Variants in CR1 observed in about 807,000 individuals in gnomAD.
The protein encoded by CR1 is complement receptor type 1.
In CR1, 116 loss-of-function variants were observed where a neutral mutation model predicts 187.3. The observed-to-expected ratio is 0.62, with a 90% confidence interval of 0.53 to 0.72. CR1 has a LOEUF of 0.72. CR1 is among the 30% of genes least tolerant of loss of function. The pLI, the probability that CR1 is intolerant of heterozygous loss-of-function variation, is 0.00. For synonymous variants in CR1, 576 were observed against 747.1 expected (o/e 0.77, Z 3.73); for missense variants, 1,731 against 2,110.7 (o/e 0.82, Z 3.52).
intron 35 of CR1, among the ~76,000 whole-genome samples, chr1:207,596,529 A>G (rs953001800): frequency 6.6e-5 from 10 of 151,930 alleles, no homozygotes; most frequent in Admixed American, 5.2e-4. Context: ...CAGGAGAATC[A>G]CTTGAACCCG....
Position 207,632,720 on chromosome 1 carries a change from C to T in CR1, c.7457+2099C>T, listed in dbSNP as rs183130341. Among the ~76,000 whole-genome samples, 334 of 146,658 alleles carry T rather than the reference C, an allele frequency of 2.3e-3. 12 individuals carry two copies. In the East Asian group the frequency reaches 0.064, roughly 28 times the overall value. ...GGCTGAGGCAGGAGAATGGCGTGAG[C>T]CCGGGAGGCGGAGCTTGCAGTGAGC... On this transcript the variant is annotated intron_variant, in intron 46 of 46. Transcript: ENST00000367049.
chr1:207,633,780 A>C (rs1662723776), intron 46 of CR1, among the ~76,000 whole-genome samples: 1 of 152,208 alleles, frequency 6.6e-6, no homozygotes, highest in South Asian at 2.1e-4. Flanking sequence ...GAGATCACCA[A>C]ACAGGCTTTG....
At chr1:207,575,716 T>C (rs1390992795) in intron 28 of CR1, 36 bp downstream of exon 28, 9 of 1,611,472 alleles carry the variant, frequency 5.6e-6, no homozygotes, top group African/African-American at 4.0e-5. Flanking sequence ...CACCCCACCA[T>C]TGAATCCTAG....
At chr1:207,498,238 G>A (rs999743026) in intron 1 of CR1, among the ~76,000 whole-genome samples, 2 of 152,230 alleles carry the variant, frequency 1.3e-5, no homozygotes, top group African/African-American at 4.8e-5. Context: ...GAAAAACCAT[G>A]ACTAAGAAGT....
intron 46 of CR1, among the ~76,000 whole-genome samples, chr1:207,639,043 C>T (rs757948121): frequency 3.2e-4 from 48 of 152,172 alleles, no homozygotes; most frequent in Non-Finnish European, 6.6e-4. Flanking sequence ...TTGGGAATGC[C>T]CCAGTTTGTT....
At chr1:207,586,474 G>A (rs1661115162) in intron 33 of CR1, among the ~76,000 whole-genome samples, 1 of 152,176 alleles carries the variant, frequency 6.6e-6, no homozygotes, top group South Asian at 2.1e-4. Flanking sequence ...TTTAGCATCA[G>A]AAGAAAAACA....
At chr1:207,599,434 AT>A (rs1257469539) in intron 35 of CR1, among the ~76,000 whole-genome samples, 1 of 152,224 alleles carries the variant, frequency 6.6e-6, no homozygotes, top group Non-Finnish European at 1.5e-5. Context: ...TCAAAAAAAA[AT>A]CTTACACTAT....
Position 207,508,068 on chromosome 1 carries a change from C to G in CR1, c.401+1255C>G, listed in dbSNP as rs149064458. Among the ~76,000 whole-genome samples the G allele has an allele frequency of 1.6e-3, 251 of 152,252 alleles. 2 individuals are homozygous for G. Among genetic ancestry groups the G allele is most frequent in the Non-Finnish European group, 2.6e-3 (176 of 68,020 alleles). On this transcript the variant is annotated intron_variant, in intron 3 of 46. Transcript: ENST00000367049. ...GAAAAGGCTACATAACATATGATTC[C>G]AACTATATGCCATTCTGGAAAAGGC...
At position 207,641,062 on chromosome 1, in the gene CR1, T is replaced by C. The variant is rs1396408336; in HGVS notation, c.*1653T>C. The C allele has an allele frequency of 2.6e-5, 4 of 152,194 alleles. No individual in the cohort carries two copies. The highest frequency in any genetic ancestry group is 7.2e-5 in the African/African-American group (3 of 41,430). The allele number at this position is 152,194 out of a possible 1,614,324, so 9.4% of individuals were successfully genotyped here. On this transcript the variant is annotated 3_prime_UTR_variant, in exon 47 of 47. Transcript: ENST00000367049. ...ACCCAACAAAAATGGGCAAAGGACA[T>C]ACAGCTAGGTCACCAAGAAAGAAGG...
Position 207,617,503 on chromosome 1 carries a change from A to ATG in CR1, c.6890-567_6890-566insGT, listed in dbSNP as rs1198212990. Among the ~76,000 whole-genome samples, 28 of 49,096 alleles carry ATG rather than the reference A, an allele frequency of 5.7e-4. 2 individuals are homozygous for ATG. Among genetic ancestry groups the ATG allele is most frequent in the East Asian group, 4.2e-3 (9 of 2,150 alleles). 32.2% of individuals were successfully genotyped at this position (49,096 alleles called of 152,430 possible). On this transcript the variant is annotated intron_variant, in intron 41 of 46. Transcript: ENST00000367049. ...TTAAAGTATATATATATATATATAT[A>ATG]TATATGTGTGTGTGTGTGTGTGTGT...
chr1:207,580,470 C>G, intron 30 of CR1, 41 bp from the exon 31 acceptor site: 1 of 1,599,588 alleles, frequency 6.3e-7, no homozygotes, highest in South Asian at 1.1e-5. Flanking sequence ...ACATGGAGGT[C>G]TTACTCCTAT....
chr1:207,593,428 C>T (rs1281622350), intron 35 of CR1, among the ~76,000 whole-genome samples: 1 of 152,168 alleles, frequency 6.6e-6, no homozygotes, highest in Non-Finnish European at 1.5e-5. Flanking sequence ...AAGCTGGACC[C>T]CTTCCTTTAC....
chr1:207,592,682 A>G (rs1661308461), intron 35 of CR1, among the ~76,000 whole-genome samples: 1 of 152,228 alleles, frequency 6.6e-6, no homozygotes, highest in African/African-American at 2.4e-5. Context: ...ACATGACTGT[A>G]TATTTAGAAA....
chr1:207,508,303 C>A (rs1312013339), intron 3 of CR1, among the ~76,000 whole-genome samples: 1 of 152,206 alleles, frequency 6.6e-6, no homozygotes, highest in African/African-American at 2.4e-5. Flanking sequence ...TTGGGGTGGC[C>A]ATGATGTGTC....
At position 207,640,877 on chromosome 1, in the gene CR1, A is replaced by G; in HGVS notation, c.*1468A>G. 6.6e-6 allele frequency: 1 copy of G among 152,254 alleles called. No homozygotes were observed. The highest frequency in any genetic ancestry group is 6.5e-5 in the Admixed American group (1 of 15,286). The allele number at this position is 152,254 out of a possible 1,614,324, so 9.4% of individuals were successfully genotyped here. On this transcript the variant is annotated 3_prime_UTR_variant, in exon 47 of 47. Transcript: ENST00000367049. ...CAGTATAAGGAGTGAGATAGACATG[A>G]ACCTGAATTTCAATTTAAAATCATG...
At chr1:207,575,276 TAGAG>T (rs768360600) in intron 27 of CR1, among the ~76,000 whole-genome samples, 5 of 151,458 alleles carry the variant, frequency 3.3e-5, no homozygotes, top group Non-Finnish European at 7.4e-5. Context: ...AAATAATATT[TAGAG>T]AAAGATAGAA....
chr1:207,582,143 A>C, intron 32 of CR1, 140 bp downstream of exon 32: 1 of 514,520 alleles, frequency 1.9e-6, no homozygotes, highest in Non-Finnish European at 3.5e-6. Context: ...AATAGATACA[A>C]GCAATGTTTT....
chr1:207,636,696 T>C (rs1035546823), intron 46 of CR1, among the ~76,000 whole-genome samples: 3 of 152,218 alleles, frequency 2.0e-5, no homozygotes, highest in African/African-American at 7.2e-5. Context: ...CTGCAATTAA[T>C]CCCATAATCA....
intron 1 of CR1, among the ~76,000 whole-genome samples, chr1:207,502,962 C>T (rs941007284): frequency 6.6e-6 from 1 of 152,164 alleles, no homozygotes; most frequent in Non-Finnish European, 1.5e-5. Flanking sequence ...CCAGTGCATT[C>T]CCGACAGCAT....
Sources: allele counts gnomAD v4.1 joint callset (sites outside exome capture counted in the v4.1 genomes callset), GRCh38; gene constraint gnomAD v4.1.1; transcripts MANE v1.5; gene names NCBI Gene and HGNC (gene_info 2026-07-23, HGNC 2026-07-21).